Variants in PTPN2 observed in about 807,000 individuals in gnomAD.
PTPN2 encodes the protein protein tyrosine phosphatase non-receptor type 2.
Under a neutral mutation model 57.3 loss-of-function variants are expected in PTPN2, and 19 were observed. The observed-to-expected ratio is 0.33, with a 90% CI of 0.23 to 0.49. The LOEUF (loss-of-function observed/expected upper bound fraction) is 0.49. Ranked by LOEUF, PTPN2 falls within the 20% of genes least tolerant of loss-of-function variation. The probability of loss-of-function intolerance (pLI) is 0.99; values close to 1 mark genes in which losing one functional copy is unlikely to be tolerated. For synonymous variants in PTPN2, 153 were observed against 164.9 expected, an observed-to-expected ratio of 0.93 and a Z score of 0.55; for missense variants, 358 against 501.1, an observed-to-expected ratio of 0.71 and a Z score of 2.73.
In PTPN2 at chr18:12,818,338, C is replaced by T. The variant is rs368488257; in HGVS notation, c.496-973G>A. ...ATCTTTATATTTTTAATTGGAATTGCTCCTCTAAATTGTTGCCTTTCCCCA... is the reference window on the plus strand; with the variant it reads ...ATCTTTATATTTTTAATTGGAATTGTTCCTCTAAATTGTTGCCTTTCCCCA... On this transcript the variant is annotated intron_variant, in intron 5 of 8. Transcript: ENST00000309660. Among the ~76,000 whole-genome samples, 69 of 152,198 alleles carry T rather than the reference C, an allele frequency of 4.5e-4. 1 individual carries two copies. The East Asian group carries it at 0.01, about 23-fold the overall frequency.
chr18:12,806,077 A>G (rs1555660270), intron 7 of PTPN2, among the ~76,000 whole-genome samples: 1 of 152,186 alleles, frequency 6.6e-6, no homozygotes, highest in Non-Finnish European at 1.5e-5. Context: ...AGAAAACCCT[A>G]TAGACTCTAC....
At chr18:12,819,822 G>A (rs562802662) in intron 5 of PTPN2, among the ~76,000 whole-genome samples, 1 of 149,674 alleles carries the variant, frequency 6.7e-6, no homozygotes, top group East Asian at 1.9e-4. Flanking sequence ...GCGGGGGGTG[G>A]GGGGGATACA....
intron 2 of PTPN2, among the ~76,000 whole-genome samples, chr18:12,852,645 C>T (rs920782617): frequency 1.2e-4 from 19 of 152,110 alleles, no homozygotes; most frequent in Non-Finnish European, 2.4e-4. Context: ...CCTCCCAAAG[C>T]GTTGGGACTA....
At chr18:12,826,593 G>A (rs761782935) in intron 4 of PTPN2, among the ~76,000 whole-genome samples, 1 of 152,032 alleles carries the variant, frequency 6.6e-6, no homozygotes, top group East Asian at 1.9e-4. Flanking sequence ...TTTTGAGCTG[G>A]AGTCTTGCTC....
In PTPN2 at chr18:12,815,104, A is replaced by G. The variant is rs1211953730; in HGVS notation, c.706-749T>C. ...ATCTCAAAAATAAATAAATAAATAA[A>G]TAAATAAATAAATAAATAAATAAAT... On this transcript the variant is annotated intron_variant, in intron 6 of 8. Transcript: ENST00000309660. Among the ~76,000 whole-genome samples the G allele has an allele frequency of 8.4e-3, 607 of 72,382 alleles. 3 individuals carry two copies. The highest frequency in any genetic ancestry group is 0.019 in the African/African-American group (592 of 31,746). The allele number at this position is 72,382 out of a possible 152,430, so 47.5% of individuals were successfully genotyped here.
intron 7 of PTPN2, among the ~76,000 whole-genome samples, chr18:12,811,784 A>G (rs150331330): frequency 6.6e-6 from 1 of 152,262 alleles, no homozygotes; most frequent in East Asian, 1.9e-4. Context: ...ACATTTCACT[A>G]AACTATAACC....
intron 3 of PTPN2, among the ~76,000 whole-genome samples, chr18:12,833,886 G>C (rs1329964326): frequency 6.6e-6 from 1 of 152,178 alleles, no homozygotes; most frequent in Admixed American, 6.5e-5. Context: ...TGCAGACTTT[G>C]AAATCCAGTA....
chr18:12,849,702 T>C (rs2043328787), intron 2 of PTPN2, among the ~76,000 whole-genome samples: 2 of 152,256 alleles, frequency 1.3e-5, no homozygotes, highest in Admixed American at 6.5e-5. Context: ...TTAGGATTTC[T>C]ACATCTATAT....
intron 1 of PTPN2, among the ~76,000 whole-genome samples, chr18:12,866,294 C>T (rs1041851804): frequency 2.0e-5 from 3 of 151,748 alleles, no homozygotes; most frequent in South Asian, 4.2e-4. Flanking sequence ...AAAAATTAGC[C>T]GGGTGTGGTG....
Position 12,817,260 on chromosome 18 carries a change from C to T in PTPN2, c.601G>A (p.Glu201Lys). 1 of 1,614,186 alleles carries T rather than the reference C, an allele frequency of 6.2e-7. No individual in the cohort carries two copies. Among genetic ancestry groups the T allele is most frequent in the Non-Finnish European group, 8.5e-7 (1 of 1,180,022 alleles). ...TGGTCAGGGTTCAAGGAGCCAGATT[C>T]TCTCACTTTAAACAAGAAATTGAGA... The part of the protein sequence containing the change: ...SFLNFLFKVR[E>K]SGSLNPDHGP... Residue 201 changes from glutamate (E) to lysine (K), a missense_variant, in exon 6 of 9, where the codon GAA becomes AAA. By Grantham distance (56) the Glu-to-Lys change is moderately conservative (BLOSUM62 1). This residue lies in a region of PTPN2 where 193 missense variants were observed against 315.4 expected (regional missense o/e 0.61). Transcript: ENST00000309660.
intron 3 of PTPN2, among the ~76,000 whole-genome samples, chr18:12,831,741 C>T (rs1440809202): frequency 6.6e-6 from 1 of 152,182 alleles, no homozygotes; most frequent in Non-Finnish European, 1.5e-5. Context: ...TCTACAAATG[C>T]ACAGTATGTA....
chr18:12,877,778 G>A (rs8091049), intron 1 of PTPN2, among the ~76,000 whole-genome samples: 5,358 of 152,260 alleles, frequency 0.035, 332 homozygotes, highest in African/African-American at 0.12. Flanking sequence ...TTGGGAGGCC[G>A]AGGCAGGTGG....
chr18:12,828,896 CA>C (rs1020703465), intron 4 of PTPN2, among the ~76,000 whole-genome samples: 2 of 151,608 alleles, frequency 1.3e-5, no homozygotes, highest in Non-Finnish European at 2.9e-5. Context: ...TTACAGACAG[CA>C]AAAAAAATTT....
chr18:12,840,917 GA>G, intron 2 of PTPN2: 2 of 1,529,012 alleles, frequency 1.3e-6, no homozygotes, highest in Non-Finnish European at 8.8e-7. Flanking sequence ...TAGACGCTCT[GA>G]TGGAATGCCT....
At chr18:12,820,711 C>T (rs1165610741) in intron 5 of PTPN2, among the ~76,000 whole-genome samples, 3 of 152,218 alleles carry the variant, frequency 2.0e-5, no homozygotes, top group East Asian at 1.9e-4. Context: ...CCTACACACA[C>T]GCGGGTTGCA....
intron 2 of PTPN2, among the ~76,000 whole-genome samples, chr18:12,855,098 A>T (rs749372005): frequency 6.6e-6 from 1 of 152,230 alleles, no homozygotes; most frequent in African/African-American, 2.4e-5. Flanking sequence ...AAACCAGTGG[A>T]AAGTCTCTCA....
At chr18:12,861,841 A>G (rs2043818155) in intron 1 of PTPN2, among the ~76,000 whole-genome samples, 2 of 152,152 alleles carry the variant, frequency 1.3e-5, no homozygotes, top group Admixed American at 1.3e-4. Flanking sequence ...GCAGATTTCT[A>G]TTTTTAGCCC....
chr18:12,807,568 G>GGAAAAAAA (rs1491298104), intron 7 of PTPN2, among the ~76,000 whole-genome samples: 2 of 41,194 alleles, frequency 4.9e-5, no homozygotes, highest in East Asian at 1.2e-3. Context: ...AGAAAATGTG[G>GGAAAAAAA]AAAAAAAAAA....
intron 8 of PTPN2, among the ~76,000 whole-genome samples, chr18:12,800,798 A>T (rs1301650737): frequency 6.6e-6 from 1 of 152,208 alleles, no homozygotes; most frequent in Non-Finnish European, 1.5e-5. Context: ...TGCAGGAGAG[A>T]GGAAAGAAAA....
Sources: allele counts gnomAD v4.1 joint callset (sites outside exome capture counted in the v4.1 genomes callset), GRCh38; gene constraint gnomAD v4.1.1; regional missense constraint gnomAD v4.1.1; transcripts MANE v1.5; gene names NCBI Gene and HGNC (gene_info 2026-07-23, HGNC 2026-07-21).